The following SKP2 variants were observed in gnomAD, a reference collection of about 807,000 sequenced individuals.
The protein encoded by SKP2 is S-phase kinase associated protein 2.
Under a neutral mutation model 51.8 loss-of-function variants are expected in SKP2, and 16 were observed. The ratio of observed to expected loss-of-function variants is 0.31; its 90% CI spans 0.21 to 0.47. The LOEUF (loss-of-function observed/expected upper bound fraction) is 0.47, where lower values mean the gene tolerates loss of function less well. Ranked by LOEUF, SKP2 falls within the 20% of genes least tolerant of loss-of-function variation. SKP2 has a pLI of 1.00. For synonymous variants in SKP2, 176 were observed against 198.6 expected, an observed-to-expected ratio of 0.89 and a Z score of 0.96; for missense variants, 377 against 505.3, an observed-to-expected ratio of 0.75 and a Z score of 2.43.
At chr5:36,153,260 A>G (rs942106160) in intron 2 of SKP2, among the ~76,000 whole-genome samples, 1 of 150,888 alleles carries the variant, frequency 6.6e-6, no homozygotes, top group African/African-American at 2.5e-5. Flanking sequence ...TCTGGTGCAT[A>G]ATCACCTTGA....
rs1745430066 is a variant in SKP2 at position 36,170,378 on chromosome 5, A to G, written c.706A>G (p.Asn236Asp). The G allele has an allele frequency of 1.2e-6, 2 of 1,613,058 alleles. No individual in the cohort carries two copies. Among genetic ancestry groups the G allele is most frequent in the Admixed American group, 1.7e-5 (1 of 59,912 alleles). ...AAAAAACTCAAATTTAGTGCGACTT[A>G]ACCTTTCTGGGTGTTCTGGATTCTC... ...LAKNSNLVRL[N>D]LSGCSGFSEF... The change falls in exon 6 of 10, where the codon AAC becomes GAC. Residue 236 changes from asparagine to aspartate, a missense_variant. Coordinates refer to ENST00000274255, the MANE Select transcript of SKP2 (RefSeq NM_005983.4).
In SKP2 at chr5:36,166,740, T is replaced by A. The variant is rs1252371162; in HGVS notation, c.536+78T>A. ...CAGATCAAAGCTTTTTTTTTTTTTT[T>A]CTTTCTTCAGCCTTAAAGCCTATGG... On this transcript the variant is annotated intron_variant, in intron 4 of 9. Transcript: ENST00000274255. 5 of 1,300,506 alleles carry A rather than the reference T, an allele frequency of 3.8e-6. No homozygotes were observed. In the Admixed American group the frequency reaches 1.0e-4, roughly 26 times the overall value. 80.6% of individuals were successfully genotyped at this position (1,300,506 alleles called of 1,614,324 possible). A position where few individuals can be genotyped will look rare whatever the true frequency, so the allele number is the denominator to read the frequency against.
rs1745906509 is a variant in SKP2 at position 36,184,142 on chromosome 5, A to G, written c.*2111A>G. 3 of 561,660 alleles carry G rather than the reference A, an allele frequency of 5.3e-6. No individual in the cohort carries two copies. Among genetic ancestry groups the G allele is most frequent in the Non-Finnish European group, 9.3e-6 (3 of 321,176 alleles). 34.8% of individuals were successfully genotyped at this position (561,660 alleles called of 1,614,324 possible). On this transcript the variant is annotated 3_prime_UTR_variant, in exon 10 of 10. Transcript: ENST00000274255. ...CCATTTGGCTTAGATACCTCTAAAT[A>G]AGACTCTTCAAAACAGAGCCCTGAG...
downstream of SKP2, among the ~76,000 whole-genome samples, chr5:36,189,214 TTC>T (rs1258144221): frequency 6.6e-6 from 1 of 152,238 alleles, no homozygotes; most frequent in Non-Finnish European, 1.5e-5. Context: ...TGAAGCCTTC[TTC>T]TCTCAACTCG....
intron 2 of SKP2, among the ~76,000 whole-genome samples, chr5:36,157,447 T>G (rs937712385): frequency 6.6e-6 from 1 of 151,278 alleles, no homozygotes; most frequent in African/African-American, 2.4e-5. Flanking sequence ...CTGTGTTTTG[T>G]TTTTTTCAGT....
At chr5:36,171,790 A>G in intron 7 of SKP2, 57 bp downstream of exon 7, 2 of 1,544,186 alleles carry the variant, frequency 1.3e-6, no homozygotes. Context: ...GATGAGATTC[A>G]TTGAGCTTCT....
rs146156245 is a variant in SKP2 at position 36,166,610 on chromosome 5, G to A, written c.484G>A (p.Ala162Thr). The change falls in exon 4 of 10, where the codon GCC becomes ACC. Residue 162 changes from alanine to threonine, a missense_variant. Physicochemically the swap from Ala to Thr is moderately conservative, Grantham distance 58. This residue lies in a region of SKP2 where 262 missense variants were observed against 389.8 expected (regional missense o/e 0.67). Coordinates refer to ENST00000274255, the MANE Select transcript of SKP2 (RefSeq NM_005983.4). ...TCGGTTGCTGTCTCAAGGGGTGATT[G>A]CCTTCCGCTGCCCACGATCATTTAT... ...TGRLLSQGVI[A>T]FRCPRSFMDQ... 47 of 1,613,776 alleles carry A rather than the reference G, an allele frequency of 2.9e-5. No homozygotes were observed. The highest frequency in any genetic ancestry group is 3.7e-5 in the Non-Finnish European group (44 of 1,179,868).
At chr5:36,175,018 C>T (rs561746678) in intron 7 of SKP2, among the ~76,000 whole-genome samples, 6 of 152,218 alleles carry the variant, frequency 3.9e-5, no homozygotes, top group African/African-American at 1.4e-4. Flanking sequence ...AGCAATATGA[C>T]TGACTTCATT....
At chr5:36,190,783 C>A (rs995049961) in intron 6 of SKP2, among the ~76,000 whole-genome samples, 3 of 151,534 alleles carry the variant, frequency 2.0e-5, no homozygotes, top group African/African-American at 7.3e-5. Flanking sequence ...TGATCTCAAC[C>A]ATTCCCCTCC....
Position 36,163,707 on chromosome 5 carries a change from C to A in SKP2, c.343C>A (p.Pro115Thr). ...LLGIFSCLCL[P>T]ELLKVSGVCK... ...GGGAATCTTTTCCTGTCTGTGCCTC[C>A]CTGAGCTGCTAAAGGTCTCTGGTGT... is the stretch of plus-strand genomic sequence containing the variant. Residue 115 changes from proline (P) to threonine (T), a missense_variant, in exon 3 of 10, where the codon CCT (proline) becomes ACT (threonine). By Grantham distance (38) the Pro-to-Thr change is conservative. Coordinates refer to ENST00000274255, the MANE Select transcript of SKP2 (RefSeq NM_005983.4). 1 of 1,614,010 alleles carries A rather than the reference C, an allele frequency of 6.2e-7. No homozygotes were observed. Among genetic ancestry groups the A allele is most frequent in the Non-Finnish European group, 8.5e-7 (1 of 1,179,934 alleles).
intron 6 of SKP2, 63 bp downstream of exon 6, chr5:36,170,505 C>T (rs1158849966): frequency 6.9e-6 from 7 of 1,012,458 alleles, no homozygotes; most frequent in Admixed American, 2.0e-5. Flanking sequence ...TCCCTCACAT[C>T]TGTATAAAAT....
chr5:36,187,757 G>A (rs147280584), downstream of SKP2, among the ~76,000 whole-genome samples: 386 of 152,276 alleles, frequency 2.5e-3, 2 homozygotes, highest in African/African-American at 9.0e-3. Flanking sequence ...AGGTCCAGTT[G>A]GTGGAGAGCT....
In SKP2 at chr5:36,163,765, T is replaced by C. The variant is rs771213987; in HGVS notation, c.392+9T>C. On this transcript the variant is annotated intron_variant, in intron 3 of 9. Coordinates refer to ENST00000274255, the MANE Select transcript of SKP2 (RefSeq NM_005983.4). ...AGGTGGTATCGCCTAGCGTAAGTATTTTTCACCCCTTTGGCAAACGTAGGG... is the reference window on the plus strand; with the variant it reads ...AGGTGGTATCGCCTAGCGTAAGTATCTTTCACCCCTTTGGCAAACGTAGGG... 5 of 1,550,826 alleles carry C rather than the reference T, an allele frequency of 3.2e-6. No individual in the cohort carries two copies. The East Asian group carries it at 1.1e-4, about 35-fold the overall frequency.
chr5:36,182,845 C>G lies in SKP2; in HGVS notation c.*814C>G. On this transcript the variant is annotated 3_prime_UTR_variant, in exon 10 of 10. Transcript: ENST00000274255. ...ATGGGTCCTTTAGCTTTTAAAATGA[C>G]TTGCTTTGTTTTAGAAAGGTGGTAT... The G allele has an allele frequency of 1.0e-6, 1 of 984,554 alleles. No homozygotes were observed. The highest frequency in any genetic ancestry group is 1.2e-6 in the Non-Finnish European group (1 of 829,214). 61.0% of individuals were successfully genotyped at this position (984,554 alleles called of 1,614,324 possible).
Position 36,181,836 on chromosome 5 carries a change from C to T in SKP2, c.1080C>T (p.Pro360=), listed in dbSNP as rs1745820584. The change falls in exon 10 of 10, where the codon CCC becomes CCT. Residue 360 remains proline (P), a synonymous_variant. Coordinates refer to ENST00000274255, the MANE Select transcript of SKP2 (RefSeq NM_005983.4). ...TTTCCAGTGAACTTGGAGAAATTCC[C>T]ACACTAAAAACACTACAAGTTTTTG... is the stretch of plus-strand genomic sequence containing the variant. The part of the protein sequence containing the change: ...PETLLELGEI[P]TLKTLQVFGI... 1 of 1,613,630 alleles carries T rather than the reference C, an allele frequency of 6.2e-7. No homozygotes were observed. Among genetic ancestry groups the T allele is most frequent in the Middle Eastern group, 1.7e-4 (1 of 6,060 alleles).
chr5:36,190,880 G>A (rs756789957), intron 6 of SKP2, among the ~76,000 whole-genome samples: 7 of 151,954 alleles, frequency 4.6e-5, no homozygotes, highest in African/African-American at 1.5e-4. Context: ...ATTTTCCTGC[G>A]TGAATCCTGA....
rs1382022899 is a variant in SKP2 at position 36,189,960 on chromosome 5, G to A, written c.633-2661G>A. 3.3e-5 allele frequency among the ~76,000 whole-genome samples: 5 copies of A among 152,172 alleles called. No homozygotes were observed. The East Asian group carries it at 5.8e-4, about 18-fold the overall frequency. ...TAGCCTCGCTGCTGCCTTGCAGTTCGATCTCAGACTGCTGTGCTAGCAGTG... is the reference window on the plus strand; with the variant it reads ...TAGCCTCGCTGCTGCCTTGCAGTTCAATCTCAGACTGCTGTGCTAGCAGTG... On this transcript the variant is annotated intron_variant, in intron 6 of 7. Transcript: ENST00000677886.
chr5:36,155,524 G>A (rs1387511472), intron 2 of SKP2, among the ~76,000 whole-genome samples: 2 of 152,184 alleles, frequency 1.3e-5, no homozygotes, highest in African/African-American at 4.8e-5. Flanking sequence ...CCACTGACAC[G>A]TAACAATACA....
chr5:36,184,368 T>G (rs1334162017), downstream of SKP2: 2 of 153,634 alleles, frequency 1.3e-5, no homozygotes, highest in African/African-American at 4.8e-5. Context: ...CCCATTAACT[T>G]GTCATTTACA....
Sources: gnomAD v4.1 joint callset for allele counts (sites outside exome capture counted in the v4.1 genomes callset) on GRCh38, gnomAD v4.1.1 for gene constraint, gnomAD v4.1.1 regional missense constraint, MANE v1.5 for transcripts, NCBI Gene and HGNC (gene_info 2026-07-23, HGNC 2026-07-21) for gene names.